MRPL44: variants seen among roughly 807,000 people sequenced by gnomAD.
The protein encoded by MRPL44 is mitochondrial ribosomal protein L44.
Under a neutral mutation model 25.9 loss-of-function variants are expected in MRPL44, and 21 were observed. The ratio of observed to expected loss-of-function variants is 0.81; its 90% CI spans 0.58 to 1.17. The LOEUF (loss-of-function observed/expected upper bound fraction) is 1.17, where lower values mean the gene tolerates loss of function less well. Among genes scored for constraint, MRPL44 ranks in the 50% most tolerant of loss-of-function variants. MRPL44 has a pLI of 0.00. For synonymous variants in MRPL44, 169 were observed against 151.0 expected (o/e 1.12, Z -0.87); for missense variants, 410 against 398.9 (o/e 1.03, Z -0.24).
upstream of MRPL44, among the ~76,000 whole-genome samples, chr2:223,954,946 AT>A (rs903261609): frequency 1.3e-5 from 2 of 152,052 alleles, no homozygotes; most frequent in Non-Finnish European, 2.9e-5. Flanking sequence ...ACATTGATGC[AT>A]TTTTTTTGAG....
chr2:223,961,894 G>A (rs1041551762), intron 2 of MRPL44, among the ~76,000 whole-genome samples: 2 of 152,206 alleles, frequency 1.3e-5, no homozygotes, highest in African/African-American at 4.8e-5. Context: ...TGATGGGAAA[G>A]AGCTGTGTTT....
chr2:223,961,081 G>A (rs1039215768), intron 2 of MRPL44, among the ~76,000 whole-genome samples: 2 of 152,110 alleles, frequency 1.3e-5, no homozygotes, highest in Non-Finnish European at 2.9e-5. Flanking sequence ...CCTTACTATG[G>A]GCCAGGCACT....
intron 3 of MRPL44, among the ~76,000 whole-genome samples, chr2:223,966,235 C>CAA (rs35614150): frequency 8.1e-6 from 1 of 123,710 alleles, no homozygotes. Flanking sequence ...GACTCAGTCT[C>CAA]AAAAAAAAAA....
intron 2 of MRPL44, among the ~76,000 whole-genome samples, chr2:223,963,469 A>T (rs1397505314): frequency 1.3e-5 from 2 of 152,054 alleles, no homozygotes; most frequent in African/African-American, 4.8e-5. Context: ...AAATTATAGG[A>T]TTCTACCTTC....
chr2:223,954,869 G>T (rs190783410), upstream of MRPL44, among the ~76,000 whole-genome samples: 3 of 152,226 alleles, frequency 2.0e-5, no homozygotes, highest in Non-Finnish European at 4.4e-5. Flanking sequence ...CTTGCTGGCC[G>T]CTAACACACC....
upstream of MRPL44, among the ~76,000 whole-genome samples, chr2:223,952,680 TGATGTG>T (rs1689509820): frequency 6.6e-6 from 1 of 152,214 alleles, no homozygotes; most frequent in African/African-American, 2.4e-5. Context: ...TAACCTAACT[TGATGTG>T]TAAAAGACTG....
intron 3 of MRPL44, 145 bp from the exon 4 acceptor site, chr2:223,966,717 CA>C: frequency 3.3e-6 from 2 of 600,520 alleles, no homozygotes; most frequent in Non-Finnish European, 5.3e-6. Context: ...AGTTAAAATC[CA>C]AAAGATGATC....
rs571038603 is a variant in MRPL44, at chr2:223,967,118, T to C, written c.*84T>C. 4 of 1,281,548 alleles carry C rather than the reference T, an allele frequency of 3.1e-6. No individual in the cohort carries two copies. In the East Asian group the frequency reaches 9.7e-5, roughly 31 times the overall value. The allele number at this position is 1,281,548 out of a possible 1,614,324, so 79.4% of individuals were successfully genotyped here. ...GTTTCAAGCCAGACATTTTCACAAT[T>C]GTGAAGAAATAGATGTTTTGTTTCT... On this transcript the variant is annotated 3_prime_UTR_variant, in exon 4 of 4. Transcript: ENST00000258383.
chr2:223,957,418 C>G, upstream of MRPL44: 2 of 1,602,532 alleles, frequency 1.2e-6, no homozygotes, highest in South Asian at 1.1e-5. Flanking sequence ...AAGTGTGTTA[C>G]GGGGACACTG....
rs1689626272 is a variant in MRPL44 at position 223,959,715 on chromosome 2, A to C, written c.361A>C (p.Ser121Arg). Residue 121 changes from serine to arginine, a missense_variant, in exon 2 of 4, where the codon AGT (serine) becomes CGT (arginine). Transcript: ENST00000258383. ...AGAAGCTGTTCTTCTGAATCTTAAA[A>C]GTAATCAAGAACTATCCGAACAAGG... is the stretch of plus-strand genomic sequence containing the variant. The part of the protein sequence containing the change: ...EKEAVLLNLK[S>R]NQELSEQGTS... 6.2e-7 allele frequency: 1 copy of C among 1,614,168 alleles called. No individual in the cohort carries two copies. The highest frequency in any genetic ancestry group is 8.5e-7 in the Non-Finnish European group (1 of 1,180,062).
upstream of MRPL44, among the ~76,000 whole-genome samples, chr2:223,953,377 C>A (rs916840537): frequency 2.0e-5 from 3 of 152,096 alleles, no homozygotes; most frequent in African/African-American, 7.2e-5. Flanking sequence ...TCATGATCCG[C>A]CTGCCTCGGC....
In MRPL44 at chr2:223,959,495, T is replaced by G. The variant is rs755920138; in HGVS notation, c.180-39T>G. The G allele has an allele frequency of 8.3e-6, 12 of 1,450,712 alleles. No homozygotes were observed. The East Asian group carries it at 1.1e-4, about 14-fold the overall frequency. The allele number at this position is 1,450,712 out of a possible 1,614,324, so 89.9% of individuals were successfully genotyped here. On this transcript the variant is annotated intron_variant, in intron 1 of 3. Coordinates refer to ENST00000258383, the MANE Select transcript of MRPL44 (RefSeq NM_022915.5). Reference sequence around the variant, plus strand: ...CAATTTTTATATCACAGTAACAGGTTGTTCTCTTTACCATCTCTTACTGTC... The same window carrying G: ...CAATTTTTATATCACAGTAACAGGTGGTTCTCTTTACCATCTCTTACTGTC...
intron 1 of MRPL44, 22 bp downstream of exon 1, chr2:223,957,673 G>A (rs1256078470): frequency 6.3e-7 from 1 of 1,593,094 alleles, no homozygotes; most frequent in Middle Eastern, 2.0e-4. Context: ...CTCGGGAAGA[G>A]GTCTCAGGGT....
At chr2:223,950,910 T>C in the MRPL44 span, among the ~76,000 whole-genome samples, 6,220 of 152,236 alleles carry the variant, frequency 0.041, 408 homozygotes, top group African/African-American at 0.14. Flanking sequence ...TAAGAGTACA[T>C]GAAGTCCAAG....
chr2:223,966,894 G>C lies in MRPL44; in HGVS notation c.859G>C (p.Glu287Gln), dbSNP rs1300613427. The change falls in exon 4 of 4, where the codon GAA becomes CAA. Residue 287 changes from glutamate to glutamine, a missense_variant. Glu to Gln is a conservative substitution (Grantham distance 29). Transcript: ENST00000258383. ...AAAGTTGATTGCAGAAGGACCTGGG[G>C]AAACAGTATTGGTTGCAGAAGAAGA... is the stretch of plus-strand genomic sequence containing the variant. ...DKKLIAEGPG[E>Q]TVLVAEEEAA... 2 of 1,613,714 alleles carry C rather than the reference G, an allele frequency of 1.2e-6. No homozygotes were observed. Among genetic ancestry groups the C allele is most frequent in the Admixed American group, 1.7e-5 (1 of 59,904 alleles).
chr2:223,962,566 A>ATTTGTATACAAC (rs1689679885), intron 2 of MRPL44, among the ~76,000 whole-genome samples: 1 of 152,238 alleles, frequency 6.6e-6, no homozygotes, highest in African/African-American at 2.4e-5. Context: ...TATACAACAT[A>ATTTGTATACAAC]ATACTTTTTA....
rs529033644 is a variant in MRPL44 at position 223,960,137 on chromosome 2, T to C, written c.648+135T>C. ...AACTGAGAAAGACCTAAAGGTTTTTTATGGAAGGGCTGTAATTATTCCAGT... is the reference window on the plus strand; with the variant it reads ...AACTGAGAAAGACCTAAAGGTTTTTCATGGAAGGGCTGTAATTATTCCAGT... On this transcript the variant is annotated intron_variant, in intron 2 of 3. Coordinates refer to ENST00000258383, the MANE Select transcript of MRPL44 (RefSeq NM_022915.5). The C allele has an allele frequency of 6.2e-5, 40 of 645,770 alleles. 1 individual carries two copies. The highest frequency in any genetic ancestry group is 3.1e-4 in the Admixed American group (10 of 31,758). 40.0% of individuals were successfully genotyped at this position (645,770 alleles called of 1,614,324 possible).
chr2:223,957,658 G>A lies in MRPL44; in HGVS notation c.179+7G>A, dbSNP rs1357365361. Reference sequence around the variant, plus strand: ...CGCCGCCGCCCGTGCGCCGGTAGGAGCCACCTCGGGAAGAGGTCTCAGGGT... The same window carrying A: ...CGCCGCCGCCCGTGCGCCGGTAGGAACCACCTCGGGAAGAGGTCTCAGGGT... On this transcript the variant is annotated splice_region_variant and intron_variant, in intron 1 of 3. Coordinates refer to ENST00000258383, the MANE Select transcript of MRPL44 (RefSeq NM_022915.5). The A allele has an allele frequency of 6.2e-6, 10 of 1,601,972 alleles. No individual in the cohort carries two copies. Among genetic ancestry groups the A allele is most frequent in the Non-Finnish European group, 8.5e-6 (10 of 1,178,646 alleles).
upstream of MRPL44, among the ~76,000 whole-genome samples, chr2:223,954,899 A>G (rs574746297): frequency 2.9e-4 from 44 of 152,224 alleles, no homozygotes; most frequent in Admixed American, 4.6e-4. Context: ...TTGCTTCCAT[A>G]ATTATGAATT....
Sources: allele counts gnomAD v4.1 joint callset (sites outside exome capture counted in the v4.1 genomes callset), GRCh38; gene constraint gnomAD v4.1.1; transcripts MANE v1.5; gene names NCBI Gene and HGNC (gene_info 2026-07-23, HGNC 2026-07-21).